Variants in ASAP2 observed in about 807,000 individuals in gnomAD.
The protein encoded by ASAP2 is arf-GAP with SH3 domain, ANK repeat and PH domain-containing protein 2.
In ASAP2, 45 loss-of-function variants were observed where a neutral mutation model predicts 131.4. That is an observed-to-expected ratio of 0.34 (90% CI 0.27 to 0.44). The LOEUF is 0.44. ASAP2 is among the 20% of genes least tolerant of loss of function. The pLI is 1.00. For synonymous variants in ASAP2, 510 were observed against 503.0 expected (o/e 1.01, Z -0.19); for missense variants, 1,011 against 1,297.0 (o/e 0.78, Z 3.39).
intron 24 of ASAP2, 182 bp from the exon 25 acceptor site, chr2:9,399,841 G>A (rs1227982521): frequency 6.3e-6 from 4 of 631,238 alleles, no homozygotes; most frequent in Non-Finnish European, 8.3e-6. Flanking sequence ...GTTGAATTTA[G>A]CACTTTCCTC....
intron 5 of ASAP2, 72 bp from the exon 6 acceptor site, chr2:9,323,049 G>C (rs1670250980): frequency 6.3e-7 from 1 of 1,587,352 alleles, no homozygotes; most frequent in Non-Finnish European, 8.6e-7. Flanking sequence ...TGGGTACTGG[G>C]GTGGCTTCAA....
At chr2:9,347,717 A>C (rs925785659) in intron 11 of ASAP2, among the ~76,000 whole-genome samples, 2 of 152,190 alleles carry the variant, frequency 1.3e-5, no homozygotes, top group Non-Finnish European at 2.9e-5. Context: ...GTGATCCTTG[A>C]GACAAAATAA....
At chr2:9,278,290 A>C (rs528939818) in intron 1 of ASAP2, among the ~76,000 whole-genome samples, 1 of 152,108 alleles carries the variant, frequency 6.6e-6, no homozygotes, top group African/African-American at 2.4e-5. Flanking sequence ...AGGCAGGTGG[A>C]TCCCCTGAGG....
Position 9,290,407 on chromosome 2 carries a change from G to A in ASAP2, c.200-6893G>A, listed in dbSNP as rs10164869. Among the ~76,000 whole-genome samples, 517 of 151,914 alleles carry A rather than the reference G, an allele frequency of 3.4e-3. 2 individuals are homozygous for A. Among genetic ancestry groups the A allele is most frequent in the African/African-American group, 8.0e-3 (333 of 41,398 alleles). ...GTATTTTTATTAAAGATTGGGTTTCGCCCTGTTGGCCAGGCTGGTCTTGAA... is the reference window on the plus strand; with the variant it reads ...GTATTTTTATTAAAGATTGGGTTTCACCCTGTTGGCCAGGCTGGTCTTGAA... On this transcript the variant is annotated intron_variant, in intron 2 of 27. Transcript: ENST00000281419.
intron 9 of ASAP2, among the ~76,000 whole-genome samples, chr2:9,338,715 A>C (rs73148736): frequency 0.03 from 4,600 of 152,264 alleles, 235 homozygotes; most frequent in African/African-American, 0.11. Flanking sequence ...TCTTCAGGGG[A>C]TCATGCTCTG....
At chr2:9,313,825 A>G (rs1669474502) in intron 3 of ASAP2, among the ~76,000 whole-genome samples, 1 of 151,966 alleles carries the variant, frequency 6.6e-6, no homozygotes, top group Admixed American at 6.6e-5. Context: ...AACCTAAGTC[A>G]CTGTTTTCTC....
chr2:9,277,724 A>G (rs1026847967), intron 1 of ASAP2, among the ~76,000 whole-genome samples: 1 of 152,166 alleles, frequency 6.6e-6, no homozygotes, highest in East Asian at 1.9e-4. Context: ...ACTCTCACCT[A>G]TATCTTTACT....
chr2:9,256,538 CAA>C (rs1265316213), intron 1 of ASAP2, among the ~76,000 whole-genome samples: 1 of 152,130 alleles, frequency 6.6e-6, no homozygotes, highest in African/African-American at 2.4e-5. Context: ...AGAGTTGAAA[CAA>C]ATTTCTTACT....
rs113299696 is a variant in ASAP2 at position 9,370,167 on chromosome 2, T to TC, written c.1556+1648_1556+1649insC. On this transcript the variant is annotated intron_variant, in intron 16 of 27. Coordinates refer to ENST00000281419, the MANE Select transcript of ASAP2 (RefSeq NM_003887.3). ...TTTTTTTTAACCATTTTGTGTGGCA[T>TC]GTCTTTGAGAAACGGAGATTGCAGG... is the stretch of plus-strand genomic sequence containing the variant. Among the ~76,000 whole-genome samples the TC allele has an allele frequency of 2.5e-3, 387 of 152,310 alleles. 1 individual carries two copies. The highest frequency in any genetic ancestry group is 8.7e-3 in the African/African-American group (360 of 41,562).
intron 1 of ASAP2, among the ~76,000 whole-genome samples, chr2:9,231,870 C>T (rs911242737): frequency 6.6e-6 from 1 of 152,162 alleles, no homozygotes; most frequent in African/African-American, 2.4e-5. Context: ...GGGCTGTGCC[C>T]CTCCCACCCA....
chr2:9,361,985 G>GTA (rs1435614266), intron 15 of ASAP2, among the ~76,000 whole-genome samples: 1 of 142,430 alleles, frequency 7.0e-6, no homozygotes, highest in Non-Finnish European at 1.5e-5. Flanking sequence ...GTGTGTGTGT[G>GTA]TGTGTGTGTG....
chr2:9,318,491 G>A (rs1377262018), intron 3 of ASAP2, 33 bp from the exon 4 acceptor site: 1 of 1,502,172 alleles, frequency 6.7e-7, no homozygotes, highest in East Asian at 2.3e-5. Context: ...CAAGGAAGCT[G>A]AATAAGAATC....
rs1337223306 is a variant in ASAP2 at position 9,281,066 on chromosome 2, C to A, written c.199+1677C>A. On this transcript the variant is annotated intron_variant, in intron 2 of 27. Coordinates refer to ENST00000281419, the MANE Select transcript of ASAP2 (RefSeq NM_003887.3). The surrounding 1 kb of genome is among the most constrained non-coding windows in gnomAD (Gnocchi z 4.0). ...CACACGGGTGACATCTTGAAGACTT[C>A]AGTGAGTCACTAAGAAATGGTACGC... Among the ~76,000 whole-genome samples the A allele has an allele frequency of 1.3e-5, 2 of 152,108 alleles. No homozygotes were observed. Among genetic ancestry groups the A allele is most frequent in the Non-Finnish European group, 2.9e-5 (2 of 68,032 alleles).
rs553150950 is a variant in ASAP2, at chr2:9,225,379, G to A, written c.126+18149G>A. Among the ~76,000 whole-genome samples the A allele has an allele frequency of 2.6e-5, 4 of 152,272 alleles. No individual in the cohort carries two copies. In the South Asian group the frequency reaches 8.3e-4, roughly 32 times the overall value. ...AGTGGTCTGTAGGACGCATGGCCCT[G>A]TTTAGACATTCTGCTTGGTATGGTG... On this transcript the variant is annotated intron_variant, in intron 1 of 27. Transcript: ENST00000281419.
intron 3 of ASAP2, among the ~76,000 whole-genome samples, chr2:9,314,636 A>G (rs1490728483): frequency 6.6e-6 from 1 of 152,134 alleles, no homozygotes; most frequent in Non-Finnish European, 1.5e-5. Flanking sequence ...AAGTGCCTTA[A>G]AACATTTAGA....
intron 1 of ASAP2, among the ~76,000 whole-genome samples, chr2:9,240,509 G>T (rs115408416): frequency 1.9e-3 from 286 of 152,206 alleles, no homozygotes; most frequent in African/African-American, 6.1e-3. Flanking sequence ...GCCTCCCAGA[G>T]TGCTGAGGTT....
intron 22 of ASAP2, among the ~76,000 whole-genome samples, chr2:9,390,203 C>G (rs529626114): frequency 1.3e-5 from 2 of 152,232 alleles, no homozygotes; most frequent in Admixed American, 6.5e-5. Flanking sequence ...CCTGCCATCT[C>G]CACCATTCTC....
intron 1 of ASAP2, among the ~76,000 whole-genome samples, chr2:9,238,729 AAG>A (rs1663730849): frequency 1.3e-5 from 2 of 152,150 alleles, no homozygotes; most frequent in Admixed American, 1.3e-4. Context: ...AATTTACCCT[AAG>A]AGTACACTTT....
Position 9,380,815 on chromosome 2 carries a change from C to T in ASAP2, c.2016+7C>T, listed in dbSNP as rs1204688650. On this transcript the variant is annotated splice_region_variant and intron_variant, in intron 20 of 27. Transcript: ENST00000281419. ...CGAGCACTGTGAGGAGCTGGTGAGTCTCCCACCACAAGGACGGGGTGGGGC... is the reference window on the plus strand; with the variant it reads ...CGAGCACTGTGAGGAGCTGGTGAGTTTCCCACCACAAGGACGGGGTGGGGC... 1.9e-6 allele frequency: 3 copies of T among 1,613,592 alleles called. No homozygotes were observed. The highest frequency in any genetic ancestry group is 1.1e-5 in the South Asian group (1 of 91,036).
Sources: allele counts gnomAD v4.1 joint callset (sites outside exome capture counted in the v4.1 genomes callset), GRCh38; gene constraint gnomAD v4.1.1; non-coding constraint Gnocchi (gnomAD v3.1); transcripts MANE v1.5; gene names NCBI Gene and HGNC (gene_info 2026-07-23, HGNC 2026-07-21).